KNDC1: variants seen among roughly 807,000 people sequenced by gnomAD.
KNDC1 encodes kinase non-catalytic C-lobe domain containing 1.
Under a neutral mutation model 172.8 loss-of-function variants are expected in KNDC1, and 106 were observed. The observed-to-expected ratio is 0.61, with a 90% CI of 0.52 to 0.72. The LOEUF (loss-of-function observed/expected upper bound fraction) is 0.72, where lower values mean the gene tolerates loss of function less well. Among genes scored for constraint, KNDC1 ranks in the 30% least tolerant of loss-of-function variants. The pLI is 0.00. For missense variants in KNDC1, 2,325 were observed against 2,394.5 expected (o/e 0.97, Z 0.61); for synonymous variants, 1,083 against 1,062.2 (o/e 1.02, Z -0.38).
Position 133,167,528 on chromosome 10 carries a change from A to T in KNDC1, c.250A>T (p.Thr84Ser). The change falls in exon 2 of 30, where the codon ACC (threonine) becomes TCC (serine). Residue 84 changes from threonine to serine, a missense_variant. Thr to Ser is a moderately conservative substitution (Grantham distance 58, BLOSUM62 1). Coordinates refer to ENST00000304613, the MANE Select transcript of KNDC1 (RefSeq NM_152643.8). The part of the protein sequence containing the change: ...IFQSLCITPD[T>S]LAFNTSGNVC... ...CCAGAGCCTGTGCATCACGCCCGAC[A>T]CCCTGGCCTTCAACACCAGCGGGAA... is the stretch of plus-strand genomic sequence containing the variant. 1 of 1,603,654 alleles carries T rather than the reference A, an allele frequency of 6.2e-7. No individual in the cohort carries two copies. The highest frequency in any genetic ancestry group is 1.3e-5 in the African/African-American group (1 of 74,828).
At chr10:133,196,857 G>A (rs1003654128) in intron 10 of KNDC1, among the ~76,000 whole-genome samples, 1 of 152,184 alleles carries the variant, frequency 6.6e-6, no homozygotes, top group Admixed American at 6.5e-5. Flanking sequence ...GGGAGCCTGG[G>A]GGACAGTGGC....
intron 5 of KNDC1, among the ~76,000 whole-genome samples, chr10:133,184,455 ACT>A (rs1233350777): frequency 1.1e-4 from 17 of 152,220 alleles, no homozygotes; most frequent in African/African-American, 3.1e-4. Flanking sequence ...GTATTCACAC[ACT>A]GACAGTCACA....
Position 133,211,844 on chromosome 10 carries a change from G to C in KNDC1, c.4222G>C (p.Gly1408Arg), listed in dbSNP as rs201175312. Reference sequence around the variant, plus strand: ...CCTCTGTAAGAGGCTCTCAGAGGACGGCATCTCCAGGAAGGTGGGGTCCTT... The same window carrying C: ...CCTCTGTAAGAGGCTCTCAGAGGACCGCATCTCCAGGAAGGTGGGGTCCTT... ...NALCKRLSED[G>R]ISRKSFPWRL... The change falls in exon 23 of 30, where the codon GGC (glycine) becomes CGC (arginine). Residue 1408 changes from glycine (G) to arginine (R), a missense_variant. By Grantham distance (125) the Gly-to-Arg change is moderately radical (BLOSUM62 -2). Coordinates refer to ENST00000304613, the MANE Select transcript of KNDC1 (RefSeq NM_152643.8). 1.9e-6 allele frequency: 3 copies of C among 1,606,864 alleles called. No homozygotes were observed. Among genetic ancestry groups the C allele is most frequent in the Non-Finnish European group, 2.5e-6 (3 of 1,178,516 alleles).
intron 9 of KNDC1, among the ~76,000 whole-genome samples, chr10:133,194,654 ACT>A (rs1854141988): frequency 6.6e-6 from 1 of 151,840 alleles, no homozygotes; most frequent in East Asian, 1.9e-4. Flanking sequence ...GATGGGGGAG[ACT>A]CTGTAAAGGG....
chr10:133,164,019 G>A (rs1417576272), intron 1 of KNDC1, among the ~76,000 whole-genome samples: 3 of 119,702 alleles, frequency 2.5e-5, no homozygotes, highest in African/African-American at 9.9e-5. Context: ...CGTGGGATGG[G>A]GGTGGAGTTC....
At chr10:133,166,512 ATG>A (rs146323372) in intron 1 of KNDC1, among the ~76,000 whole-genome samples, 11 of 151,892 alleles carry the variant, frequency 7.2e-5, no homozygotes, top group African/African-American at 2.7e-4. Context: ...GGCATGTAGT[ATG>A]TGTGTGAGTG....
rs117573228 is a variant in KNDC1, at chr10:133,200,934, G to T, written c.2989+474G>T. 4.9e-4 allele frequency among the ~76,000 whole-genome samples: 75 copies of T among 152,332 alleles called. No individual in the cohort carries two copies. The East Asian group carries it at 0.014, about 28-fold the overall frequency. ...GGACGTCCCAGCGTCCAGCCAGCAG[G>T]CTTGGTGTTAGGGACAAGGTGGGGG... On this transcript the variant is annotated intron_variant, in intron 16 of 29. Coordinates refer to ENST00000304613, the MANE Select transcript of KNDC1 (RefSeq NM_152643.8).
intron 1 of KNDC1, among the ~76,000 whole-genome samples, chr10:133,162,631 G>A (rs1182625487): frequency 6.6e-6 from 1 of 152,258 alleles, no homozygotes; most frequent in Non-Finnish European, 1.5e-5. Context: ...TTGCAATCAG[G>A]AAAATGCAAA....
chr10:133,178,218 G>A (rs1303927199), intron 3 of KNDC1, among the ~76,000 whole-genome samples: 6 of 151,886 alleles, frequency 4.0e-5, no homozygotes, highest in Non-Finnish European at 5.9e-5. Flanking sequence ...TGTATGTGGT[G>A]TGTGTGCATG....
At chr10:133,197,212 T>G in intron 11 of KNDC1, 77 bp downstream of exon 11, 2 of 1,176,344 alleles carry the variant, frequency 1.7e-6, no homozygotes, top group Non-Finnish European at 2.5e-6. Context: ...TGCCCTTGCC[T>G]GGCCGCTCCC....
chr10:133,216,099 A>T (rs944353796), intron 26 of KNDC1, among the ~76,000 whole-genome samples: 12 of 152,234 alleles, frequency 7.9e-5, no homozygotes, highest in Non-Finnish European at 1.6e-4. Flanking sequence ...CACATTTGTA[A>T]ATTCAGGACC....
At chr10:133,188,799 G>T in intron 7 of KNDC1, 146 bp downstream of exon 7, 1 of 580,102 alleles carries the variant, frequency 1.7e-6, no homozygotes, top group Non-Finnish European at 3.2e-6. Flanking sequence ...CGTCCCATGC[G>T]TAACTGGCCC....
intron 3 of KNDC1, among the ~76,000 whole-genome samples, chr10:133,173,695 C>G (rs1230361489): frequency 6.6e-6 from 1 of 152,180 alleles, no homozygotes; most frequent in Non-Finnish European, 1.5e-5. Context: ...TGCCTGTTCC[C>G]CGGGTCACTG....
At chr10:133,203,961 C>T (rs896801096) in intron 17 of KNDC1, among the ~76,000 whole-genome samples, 2 of 152,228 alleles carry the variant, frequency 1.3e-5, no homozygotes, top group African/African-American at 2.4e-5. Flanking sequence ...GCATCGGGCT[C>T]GCAGGCACCC....
In KNDC1 at chr10:133,224,283, G is replaced by A. The variant is rs887453764; in HGVS notation, c.5019-376G>A. 6.6e-6 allele frequency among the ~76,000 whole-genome samples: 1 copy of A among 152,188 alleles called. No homozygotes were observed. The highest frequency in any genetic ancestry group is 2.1e-4 in the South Asian group (1 of 4,830). The stretch of plus-strand genomic sequence containing the variant: ...TCCGGCCCTGGGCCCCGGCCGTGGC[G>A]ATTCCCAGGTGTGAATGTGAACGCT... On this transcript the variant is annotated intron_variant, in intron 29 of 29. Coordinates refer to ENST00000304613, the MANE Select transcript of KNDC1 (RefSeq NM_152643.8). The surrounding 1 kb of genome is among the most constrained non-coding windows in gnomAD (Gnocchi z 5.4).
At chr10:133,205,776 A>C (rs533273865) in intron 17 of KNDC1, among the ~76,000 whole-genome samples, 1 of 152,258 alleles carries the variant, frequency 6.6e-6, no homozygotes, top group South Asian at 2.1e-4. Flanking sequence ...TGGAGGTTGC[A>C]GTGAGTTGTG....
At chr10:133,161,360 C>T (rs1173155545) in intron 1 of KNDC1, among the ~76,000 whole-genome samples, 2 of 152,218 alleles carry the variant, frequency 1.3e-5, no homozygotes, top group African/African-American at 4.8e-5. Flanking sequence ...GCGCCTGCGT[C>T]TCCGGGTGAC....
At chr10:133,200,231 C>A (rs1854321077) in intron 15 of KNDC1, 144 bp from the exon 16 acceptor site, 1 of 557,634 alleles carries the variant, frequency 1.8e-6, no homozygotes, top group African/African-American at 2.0e-5. Flanking sequence ...CTGCTGTGCC[C>A]CTTAGTGACT....
rs572650007 is a variant in KNDC1, at chr10:133,201,601, C to T, written c.3090C>T (p.Phe1030=). The change falls in exon 17 of 30, where the codon TTC becomes TTT. Residue 1030 remains phenylalanine (F), a synonymous_variant. Coordinates refer to ENST00000304613, the MANE Select transcript of KNDC1 (RefSeq NM_152643.8). ...VDSDALSRGN[F]EVGFRPQRSV... The stretch of plus-strand genomic sequence containing the variant: ...CGGACGCACTGTCACGGGGAAACTT[C>T]GAGGTGGGGTTTCGGCCTCAGAGGT... 8 of 1,613,098 alleles carry T rather than the reference C, an allele frequency of 5.0e-6. No individual in the cohort carries two copies. Among genetic ancestry groups the T allele is most frequent in the Admixed American group, 3.3e-5 (2 of 60,028 alleles).
Sources: gnomAD v4.1 joint callset for allele counts (sites outside exome capture counted in the v4.1 genomes callset) on GRCh38, gnomAD v4.1.1 for gene constraint, Gnocchi (gnomAD v3.1) non-coding constraint, MANE v1.5 for transcripts, NCBI Gene and HGNC (gene_info 2026-07-23, HGNC 2026-07-21) for gene names.